The following NOTCH2 variants were observed in gnomAD, a reference collection of about 807,000 sequenced individuals.
NOTCH2 encodes the protein notch receptor 2.
In NOTCH2, 29 loss-of-function variants were observed where a neutral mutation model predicts 235.8. That is an observed-to-expected ratio of 0.12 (90% confidence interval 0.09 to 0.17). NOTCH2 has a LOEUF of 0.17. Among genes scored for constraint, NOTCH2 ranks in the 10% least tolerant of loss-of-function variants. NOTCH2 has a pLI of 1.00. For synonymous variants in NOTCH2, 1,086 were observed against 1,141.5 expected, an observed-to-expected ratio of 0.95 and a Z score of 0.98; for missense variants, 2,285 against 3,150.2, an observed-to-expected ratio of 0.73 and a Z score of 6.57.
intron 1 of NOTCH2, among the ~76,000 whole-genome samples, chr1:120,068,405 T>TA (rs1655590782): frequency 8.1e-6 from 1 of 123,036 alleles, no homozygotes; most frequent in Non-Finnish European, 1.7e-5. Flanking sequence ...ATGGGGAAGA[T>TA]ATGATTTGAT....
rs1179450763 is a variant in NOTCH2, at chr1:119,916,482, G to C, written c.6240C>G (p.Leu2080=). The change falls in exon 34 of 34, where the codon CTC becomes CTG. Residue 2080 remains leucine, a synonymous_variant. Coordinates refer to ENST00000256646, the MANE Select transcript of NOTCH2 (RefSeq NM_024408.4). ...SPPGTVLTSA[L]SPVICGPNRS... is the part of the protein sequence containing the mutation. ...TGTTGGGCCCACAGATGACAGGTGA[G>C]AGAGCAGAAGTCAACACGGTGCCTG... The C allele has an allele frequency of 6.2e-7, 1 of 1,612,494 alleles. No individual in the cohort carries two copies. The highest frequency in any genetic ancestry group is 8.5e-7 in the Non-Finnish European group (1 of 1,178,714).
At chr1:119,946,343 A>G (rs1553197041) in intron 17 of NOTCH2, among the ~76,000 whole-genome samples, 1 of 152,068 alleles carries the variant, frequency 6.6e-6, no homozygotes, top group African/African-American at 2.4e-5. Flanking sequence ...CAACCAGACA[A>G]TGGTAGTCCA....
intron 29 of NOTCH2, 112 bp downstream of exon 29, chr1:119,921,601 T>G: frequency 1.1e-6 from 1 of 876,584 alleles, no homozygotes. Flanking sequence ...GGGTAAGACA[T>G]CAAGACTATC....
chr1:120,040,216 TG>T (rs1468385315), intron 1 of NOTCH2, among the ~76,000 whole-genome samples: 13 of 17,036 alleles, frequency 7.6e-4, no homozygotes, highest in Non-Finnish European at 1.4e-3. Context: ...ACTACATGTA[TG>T]GCTAACTATT....
chr1:119,982,189 A>G, intron 5 of NOTCH2, among the ~76,000 whole-genome samples: 1 of 152,208 alleles, frequency 6.6e-6, no homozygotes, highest in South Asian at 2.1e-4. Context: ...CCAGCTCTTG[A>G]GGCTCATCAT....
chr1:119,922,287 G>A lies in NOTCH2; in HGVS notation c.5162C>T (p.Ala1721Val), dbSNP rs770168772. 6.2e-7 allele frequency: 1 copy of A among 1,614,112 alleles called. No homozygotes were observed. Among genetic ancestry groups the A allele is most frequent in the Non-Finnish European group, 8.5e-7 (1 of 1,180,014 alleles). The change falls in exon 28 of 34, where the codon GCA (alanine) becomes GTA (valine). Residue 1721 changes from alanine to valine, a missense_variant. This residue lies in a region of NOTCH2 where 1,173 missense variants were observed against 1,515.3 expected (regional missense o/e 0.77). Coordinates refer to ENST00000256646, the MANE Select transcript of NOTCH2 (RefSeq NM_024408.4). ...LPEGFTLRRD[A>V]SNHKRREPVG... ...TGGCTCACGACGCTTGTGATTGCTT[G>A]CATCTCGGCGAAGAGTGAAACCTTC...
At chr1:119,970,643 C>T (rs1305373846) in intron 5 of NOTCH2, among the ~76,000 whole-genome samples, 1 of 152,120 alleles carries the variant, frequency 6.6e-6, no homozygotes, top group African/African-American at 2.4e-5. Flanking sequence ...GGCAAAGGCT[C>T]CTACATCCCT....
At chr1:119,997,973 CAAAAAAA>C (rs4020948) in intron 3 of NOTCH2, among the ~76,000 whole-genome samples, 1 of 117,468 alleles carries the variant, frequency 8.5e-6, no homozygotes, top group African/African-American at 3.0e-5. Flanking sequence ...GACTCTATTT[CAAAAAAA>C]AAAAAAAAAA....
intron 9 of NOTCH2, 31 bp downstream of exon 9, chr1:119,966,345 G>C (rs782319298): frequency 1.3e-6 from 2 of 1,481,752 alleles, no homozygotes; most frequent in East Asian, 4.5e-5. Flanking sequence ...TGTGCTTTAA[G>C]AGAAAACAGG....
chr1:120,063,753 T>C (rs1333207167), intron 1 of NOTCH2, among the ~76,000 whole-genome samples: 2 of 152,182 alleles, frequency 1.3e-5, no homozygotes, highest in Non-Finnish European at 2.9e-5. Flanking sequence ...ACTTTCCTAA[T>C]GTAAGAATCA....
intron 7 of NOTCH2, 117 bp downstream of exon 7, chr1:119,967,960 G>C: frequency 1.8e-6 from 2 of 1,137,968 alleles, no homozygotes; most frequent in Non-Finnish European, 2.6e-6. Flanking sequence ...CATGTAGCAA[G>C]AGTAATCTGA....
Position 119,948,529 on chromosome 1 carries a change from GGA to G in NOTCH2, c.2635_2636del (p.Ser879GlnfsTer11). ...RCTIDIDECI[S>X]KPCMNHGLCH... is the part of the protein sequence containing the mutation. ...AGAGACCATGGTTCATGCAGGGCTT[GGA>G]GATACACTCGTCAATGTCAATGGTA... On this transcript the variant is annotated frameshift_variant, in exon 17 of 34. Transcript: ENST00000256646. LOFTEE classifies it high-confidence loss of function. The G allele has an allele frequency of 6.2e-7, 1 of 1,614,166 alleles. No individual in the cohort carries two copies. Among genetic ancestry groups the G allele is most frequent in the Non-Finnish European group, 8.5e-7 (1 of 1,180,026 alleles).
At chr1:119,963,864 G>A (rs2101137755) in intron 10 of NOTCH2, 57 bp from the exon 11 acceptor site, 3 of 1,389,936 alleles carry the variant, frequency 2.2e-6, no homozygotes, top group Admixed American at 1.7e-5. Flanking sequence ...TTCCACACCA[G>A]AACACAAGTG....
chr1:120,048,705 C>T (rs1456077791), intron 1 of NOTCH2, among the ~76,000 whole-genome samples: 9 of 136,636 alleles, frequency 6.6e-5, no homozygotes, highest in African/African-American at 2.6e-4. Flanking sequence ...GCCTCAGACT[C>T]CCAAAGCACT....
intron 17 of NOTCH2, among the ~76,000 whole-genome samples, 193 bp downstream of exon 17, chr1:119,948,221 T>G (rs1444545872): frequency 6.6e-6 from 1 of 152,216 alleles, no homozygotes; most frequent in African/African-American, 2.4e-5. Flanking sequence ...GCTTAAAATA[T>G]ATTCCACTGC....
At chr1:119,950,969 C>T (rs1650447967) in intron 14 of NOTCH2, 132 bp from the exon 15 acceptor site, 1 of 714,308 alleles carries the variant, frequency 1.4e-6, no homozygotes, top group South Asian at 1.4e-5. Flanking sequence ...CACTGAAATA[C>T]CTGTTCATTC....
chr1:119,925,836 A>C (rs943509206), intron 24 of NOTCH2, 26 bp from the exon 25 acceptor site: 11 of 1,613,346 alleles, frequency 6.8e-6, no homozygotes, highest in Non-Finnish European at 9.3e-6. Context: ...AGGAAATAAA[A>C]ATGGCATTGG....
chr1:120,041,947 G>A (rs1178759158), intron 1 of NOTCH2, among the ~76,000 whole-genome samples: 1 of 146,128 alleles, frequency 6.8e-6, no homozygotes, highest in African/African-American at 2.7e-5. Flanking sequence ...AAGAAAGAAA[G>A]GAGAGAGAGA....
intron 11 of NOTCH2, among the ~76,000 whole-genome samples, chr1:119,961,874 T>C (rs1263875508): frequency 6.6e-6 from 1 of 152,182 alleles, no homozygotes; most frequent in Non-Finnish European, 1.5e-5. Flanking sequence ...ACTTAGGCCA[T>C]ATAAGTGGAA....
Sources: gnomAD v4.1 joint callset for allele counts (sites outside exome capture counted in the v4.1 genomes callset) on GRCh38, gnomAD v4.1.1 for gene constraint, gnomAD v4.1.1 regional missense constraint, MANE v1.5 for transcripts, NCBI Gene and HGNC (gene_info 2026-07-23, HGNC 2026-07-21) for gene names.